UNC79: variants seen among roughly 807,000 people sequenced by gnomAD.
The protein encoded by UNC79 is unc-79 subunit of NALCN channel complex.
A neutral mutation model predicts 283.1 loss-of-function variants in UNC79; 37 were observed. That is an observed-to-expected ratio of 0.13 (90% CI 0.10 to 0.17). The LOEUF is 0.17. Among genes scored for constraint, UNC79 ranks in the 10% least tolerant of loss-of-function variants. The probability of loss-of-function intolerance (pLI) is 1.00; values close to 1 mark genes in which losing one functional copy is unlikely to be tolerated. For synonymous variants in UNC79, 1,107 were observed against 1,200.2 expected, an observed-to-expected ratio of 0.92 and a Z score of 1.61; for missense variants, 2,272 against 3,211.1, an observed-to-expected ratio of 0.71 and a Z score of 7.07.
intron 1 of UNC79, among the ~76,000 whole-genome samples, chr14:93,376,841 G>T (rs1167971029): frequency 6.7e-6 from 1 of 149,120 alleles, no homozygotes; most frequent in Non-Finnish European, 1.5e-5. Flanking sequence ...TCAATCAATG[G>T]CTTTTTGCTT....
At chr14:93,609,662 T>C (rs2066155085) in intron 26 of UNC79, among the ~76,000 whole-genome samples, 1 of 152,230 alleles carries the variant, frequency 6.6e-6, no homozygotes, top group Non-Finnish European at 1.5e-5. Context: ...GAGAAAATGC[T>C]TGTAGGCATT....
chr14:93,536,263 T>C (rs534376431), intron 11 of UNC79, among the ~76,000 whole-genome samples: 2 of 152,330 alleles, frequency 1.3e-5, no homozygotes, highest in South Asian at 2.1e-4. Context: ...TTTATGCCGC[T>C]AAATTTTGAG....
chr14:93,477,876 C>T, intron 4 of UNC79, 148 bp downstream of exon 4: 1 of 770,170 alleles, frequency 1.3e-6, no homozygotes, highest in Non-Finnish European at 2.0e-6. Context: ...GTCACTTTAG[C>T]ATGGATATTA....
At chr14:93,697,519 T>TCC (rs2075231474) in intron 47 of UNC79, among the ~76,000 whole-genome samples, 1 of 152,228 alleles carries the variant, frequency 6.6e-6, no homozygotes, top group Non-Finnish European at 1.5e-5. Flanking sequence ...GTCAGCCTTC[T>TCC]AAATTCATTC....
chr14:93,444,755 C>T (rs1467555198), intron 1 of UNC79, among the ~76,000 whole-genome samples: 1 of 152,106 alleles, frequency 6.6e-6, no homozygotes, highest in Non-Finnish European at 1.5e-5. Context: ...GTTTCTTCAT[C>T]TATTCTTATG....
chr14:93,595,519 C>T (rs1311161058), intron 23 of UNC79, among the ~76,000 whole-genome samples: 4 of 152,144 alleles, frequency 2.6e-5, no homozygotes, highest in Non-Finnish European at 5.9e-5. Context: ...TCATTTCCTG[C>T]GCTTCTTTCT....
intron 35 of UNC79, among the ~76,000 whole-genome samples, chr14:93,650,570 C>T (rs1379471958): frequency 6.6e-6 from 1 of 152,086 alleles, no homozygotes; most frequent in African/African-American, 2.4e-5. Flanking sequence ...TTCAAGTGCT[C>T]ATTGACCCAT....
chr14:93,593,637 G>A, intron 22 of UNC79, 43 bp from the exon 23 acceptor site: 3 of 1,574,902 alleles, frequency 1.9e-6, no homozygotes, highest in Non-Finnish European at 2.6e-6. Flanking sequence ...TTCTGGAAAA[G>A]TTGTGATAAC....
chr14:93,447,184 T>G (rs949343782), intron 1 of UNC79, among the ~76,000 whole-genome samples: 3 of 152,202 alleles, frequency 2.0e-5, no homozygotes, highest in African/African-American at 7.2e-5. Flanking sequence ...ATATTAATAT[T>G]GCTACTCCAG....
At chr14:93,365,566 G>A (rs1029001314) in intron 1 of UNC79, among the ~76,000 whole-genome samples, 3 of 151,996 alleles carry the variant, frequency 2.0e-5, no homozygotes, top group African/African-American at 7.3e-5. Context: ...ATTTGACAAT[G>A]GAACATCCTT....
chr14:93,392,102 A>C (rs138649758), intron 1 of UNC79, among the ~76,000 whole-genome samples: 2,127 of 152,338 alleles, frequency 0.014, 23 homozygotes, highest in Middle Eastern at 0.034. Context: ...AAATATATCC[A>C]CATATGCAAT....
intron 42 of UNC79, among the ~76,000 whole-genome samples, chr14:93,683,845 C>CAAAA (rs559221988): frequency 5.3e-5 from 7 of 133,310 alleles, no homozygotes; most frequent in African/African-American, 1.9e-4. Context: ...TTTTCTGTCT[C>CAAAA]AAAAAAAAAA....
At chr14:93,540,864 C>T in intron 13 of UNC79, 33 bp downstream of exon 13, 1 of 1,608,302 alleles carries the variant, frequency 6.2e-7, no homozygotes, top group South Asian at 1.1e-5. Flanking sequence ...TCTCCACTTT[C>T]TTATTTCTCA....
At chr14:93,393,796 T>A (rs192135196) in intron 1 of UNC79, among the ~76,000 whole-genome samples, 4 of 152,298 alleles carry the variant, frequency 2.6e-5, no homozygotes, top group East Asian at 3.9e-4. Context: ...CCCTAGAAAG[T>A]ATTTGCTAAC....
At chr14:93,678,965 T>G (rs2073595439) in intron 41 of UNC79, among the ~76,000 whole-genome samples, 1 of 152,234 alleles carries the variant, frequency 6.6e-6, no homozygotes, top group South Asian at 2.1e-4. Context: ...CACATTATTT[T>G]AATTCAGATC....
intron 22 of UNC79, among the ~76,000 whole-genome samples, chr14:93,592,265 C>T (rs1458123793): frequency 2.0e-5 from 3 of 150,328 alleles, no homozygotes; most frequent in African/African-American, 7.4e-5. Context: ...AGCTCTGCCT[C>T]CCGGGTTCAC....
At chr14:93,493,333 T>C (rs1002847562) in intron 5 of UNC79, among the ~76,000 whole-genome samples, 4 of 152,108 alleles carry the variant, frequency 2.6e-5, no homozygotes, top group African/African-American at 9.7e-5. Context: ...GGCTGGAACA[T>C]GCAGGGTGTT....
In UNC79 at chr14:93,506,633, A is replaced by T. The variant is rs564081030; in HGVS notation, c.898+9347A>T. 2.0e-5 allele frequency among the ~76,000 whole-genome samples: 3 copies of T among 152,142 alleles called. No homozygotes were observed. In the South Asian group the frequency reaches 6.2e-4, roughly 32 times the overall value. ...TTGGCAGCTTTACTATGATATATCT[A>T]GTTATGATATTATGTATGTTTGTCT... is the stretch of plus-strand genomic sequence containing the variant. On this transcript the variant is annotated intron_variant, in intron 7 of 48. Coordinates refer to ENST00000555664, the Ensembl canonical transcript of UNC79.
chr14:93,659,512 A>T (rs781488604), intron 39 of UNC79, among the ~76,000 whole-genome samples: 7 of 152,046 alleles, frequency 4.6e-5, no homozygotes, highest in Non-Finnish European at 4.4e-5. Flanking sequence ...CATACTACTA[A>T]CTAGGCGATC....
Sources: allele counts gnomAD v4.1 joint callset (sites outside exome capture counted in the v4.1 genomes callset), GRCh38; gene constraint gnomAD v4.1.1; transcripts MANE v1.5; gene names NCBI Gene and HGNC (gene_info 2026-07-23, HGNC 2026-07-21).